TECR: variants seen among roughly 807,000 people sequenced by gnomAD.
TECR encodes trans-2,3-enoyl-CoA reductase, also known as very-long-chain enoyl-CoA reductase.
A neutral mutation model predicts 50.6 loss-of-function variants in TECR; 19 were observed. That is an observed-to-expected ratio of 0.38 (90% CI 0.26 to 0.55). The LOEUF is 0.55. Ranked by LOEUF, TECR falls within the 20% of genes least tolerant of loss-of-function variation. The pLI is 0.79. For synonymous variants in TECR, 168 were observed against 163.5 expected, an observed-to-expected ratio of 1.03 and a Z score of -0.21; for missense variants, 313 against 408.3, an observed-to-expected ratio of 0.77 and a Z score of 2.01.
chr19:14,540,010 G>T (rs2073041501), intron 1 of TECR, among the ~76,000 whole-genome samples: 1 of 151,434 alleles, frequency 6.6e-6, no homozygotes, highest in South Asian at 2.1e-4. Flanking sequence ...CTCCTGAGTA[G>T]CTGGGATTAC....
intron 1 of TECR, among the ~76,000 whole-genome samples, chr19:14,543,079 TGG>T (rs1237639487): frequency 2.2e-5 from 1 of 44,502 alleles, no homozygotes; most frequent in African/African-American, 8.8e-5. Context: ...GGTGCCAAGT[TGG>T]GGGTGGGGGT....
intron 1 of TECR, chr19:14,532,233 C>G (rs1190468000): frequency 6.6e-6 from 1 of 152,126 alleles, no homozygotes; most frequent in Non-Finnish European, 1.5e-5. Flanking sequence ...GTACTTAATC[C>G]TTTTCTCTCC....
At chr19:14,543,006 C>G (rs543887217) in intron 1 of TECR, among the ~76,000 whole-genome samples, 4 of 122,930 alleles carry the variant, frequency 3.3e-5, no homozygotes, top group African/African-American at 6.2e-5. Context: ...TTTTTTTTTT[C>G]CATTTGAAAG....
At chr19:14,544,635 CTTTTT>C (rs545193107) in intron 1 of TECR, among the ~76,000 whole-genome samples, 4 of 134,200 alleles carry the variant, frequency 3.0e-5, no homozygotes, top group Non-Finnish European at 3.2e-5. Context: ...TTGGCCATTC[CTTTTT>C]TTTTTTTTTT....
chr19:14,545,104 C>T lies in TECR; in HGVS notation c.15+15393C>T, dbSNP rs540078878. On this transcript the variant is annotated intron_variant, in intron 1 of 12. Transcript: ENST00000215567. ...CCACATTTGCTCCCTTACTGTTCCT[C>T]TGTCCCCAGCAGAGAGATGATTCTT... 369 of 456,764 alleles carry T rather than the reference C, an allele frequency of 8.1e-4. 2 individuals are homozygous for T. The highest frequency in any genetic ancestry group is 7.8e-3 in the Middle Eastern group (24 of 3,076). 28.3% of individuals were successfully genotyped at this position (456,764 alleles called of 1,614,324 possible).
intron 1 of TECR, among the ~76,000 whole-genome samples, chr19:14,544,672 C>T (rs1174513211): frequency 2.0e-5 from 3 of 149,108 alleles, no homozygotes; most frequent in East Asian, 2.0e-4. Flanking sequence ...CTCACTCTGT[C>T]GCCCATGCTG....
In TECR at chr19:14,563,361, A is replaced by G; in HGVS notation, c.118+104A>G. ...ACCCCTCTCCCAGGGGCCTGCAGAG[A>G]TGCCCCAGTGTGGCCCAGGCTTCTG... On this transcript the variant is annotated intron_variant, in intron 3 of 12. Transcript: ENST00000215567. This position sits in a 1 kb window ranked among gnomAD's most constrained non-coding sequence, Gnocchi z 5.3. 8.5e-7 allele frequency: 1 copy of G among 1,171,240 alleles called. No homozygotes were observed. The allele number at this position is 1,171,240 out of a possible 1,614,324, so 72.6% of individuals were successfully genotyped here.
intron 1 of TECR, chr19:14,531,708 C>T (rs1247817727): frequency 6.6e-6 from 1 of 152,348 alleles, no homozygotes; most frequent in East Asian, 1.9e-4. Flanking sequence ...AGGCATGAGC[C>T]ACGGTGCCTA....
intron 7 of TECR, 122 bp from the exon 8 acceptor site, chr19:14,564,664 C>A: frequency 4.6e-6 from 5 of 1,091,246 alleles, no homozygotes; most frequent in Non-Finnish European, 6.9e-6. Context: ...CTCCCCAGCC[C>A]CGCCCCAAGG....
intron 1 of TECR, among the ~76,000 whole-genome samples, chr19:14,555,528 C>T (rs2073692330): frequency 1.3e-5 from 2 of 150,058 alleles, no homozygotes; most frequent in South Asian, 2.1e-4. Flanking sequence ...TCACCACAAC[C>T]TCCATCTCCT....
chr19:14,535,568 ATATATATATATATATATATATGTATG>A (rs1456620468), intron 1 of TECR, among the ~76,000 whole-genome samples: 244 of 19,404 alleles, frequency 0.013, 6 homozygotes, highest in East Asian at 0.03. Flanking sequence ...ATATATATAT[ATATATATATATATATATATATGTATG>A]TATATATAAA....
At chr19:14,544,338 C>G (rs1236895594) in intron 1 of TECR, among the ~76,000 whole-genome samples, 1 of 152,086 alleles carries the variant, frequency 6.6e-6, no homozygotes, top group East Asian at 1.9e-4. Flanking sequence ...GGGAGGGTCT[C>G]TGGATACTTG....
At chr19:14,555,881 C>G (rs868086621) in intron 1 of TECR, among the ~76,000 whole-genome samples, 3 of 152,200 alleles carry the variant, frequency 2.0e-5, no homozygotes, top group African/African-American at 7.2e-5. Flanking sequence ...CCACTGCGCC[C>G]AGCCCACTTT....
chr19:14,555,983 G>C (rs1943790037), intron 1 of TECR, among the ~76,000 whole-genome samples: 1 of 152,112 alleles, frequency 6.6e-6, no homozygotes. Flanking sequence ...TAAAGCTGGG[G>C]AAGCCAAGTC....
chr19:14,562,321 G>GGGGGCTGACGGCCGGCAGCT (rs2073927864), intron 1 of TECR: 10 of 656,508 alleles, frequency 1.5e-5, no homozygotes, highest in Non-Finnish European at 2.8e-5. Context: ...GGTCGGTGGT[G>GGGGGCTGACGGCCGGCAGCT]GGGGCTGACG....
intron 1 of TECR, chr19:14,531,207 T>G (rs2072641356): frequency 6.6e-6 from 1 of 151,628 alleles, no homozygotes. Flanking sequence ...GCTAATTTTT[T>G]GTATTTTTAG....
intron 1 of TECR, chr19:14,534,031 G>A (rs1435112173): frequency 1.3e-5 from 2 of 152,074 alleles, no homozygotes; most frequent in Non-Finnish European, 2.9e-5. Flanking sequence ...TCTGTCTTCA[G>A]CCTCCAGCAG....
At position 14,563,774 on chromosome 19, in the gene TECR, C is replaced by CT; in HGVS notation, c.164-25dup. The CT allele has an allele frequency of 6.2e-7, 1 of 1,612,714 alleles. No individual in the cohort carries two copies. Among genetic ancestry groups the CT allele is most frequent in the Non-Finnish European group, 8.5e-7 (1 of 1,179,720 alleles). On this transcript the variant is annotated intron_variant, in intron 4 of 12. Coordinates refer to ENST00000215567, the MANE Select transcript of TECR (RefSeq NM_138501.6). This position sits in a 1 kb window ranked among gnomAD's most constrained non-coding sequence, Gnocchi z 5.3. ...CAGTGGGAGAAGGCCCGGGTAGCCCCTGAGCCCTGGCCCGCCTCTCTGCAG... is the reference window on the plus strand; with the variant it reads ...CAGTGGGAGAAGGCCCGGGTAGCCCCTTGAGCCCTGGCCCGCCTCTCTGCAG...
At chr19:14,553,037 G>A (rs960687339) in intron 1 of TECR, among the ~76,000 whole-genome samples, 2 of 152,056 alleles carry the variant, frequency 1.3e-5, no homozygotes, top group African/African-American at 4.8e-5. Flanking sequence ...CTGAGAATGG[G>A]GGGCAGGCCC....
Sources: allele counts gnomAD v4.1 joint callset (sites outside exome capture counted in the v4.1 genomes callset), GRCh38; gene constraint gnomAD v4.1.1; non-coding constraint Gnocchi (gnomAD v3.1); transcripts MANE v1.5; gene names NCBI Gene and HGNC (gene_info 2026-07-23, HGNC 2026-07-21).